The following PDPN variants were observed in gnomAD, a reference collection of about 807,000 sequenced individuals.
PDPN encodes podoplanin.
In PDPN, 12 loss-of-function variants were observed where a neutral mutation model predicts 23.2. The ratio of observed to expected loss-of-function variants is 0.52; its 90% CI spans 0.33 to 0.84. The LOEUF is 0.84. PDPN is among the 40% of genes least tolerant of loss of function. The pLI, the probability that PDPN is intolerant of heterozygous loss-of-function variation, is 0.02. For synonymous variants in PDPN, 77 were observed against 76.7 expected, an observed-to-expected ratio of 1.00 and a Z score of -0.02; for missense variants, 199 against 212.2, an observed-to-expected ratio of 0.94 and a Z score of 0.39.
chr1:13,614,293 T>C lies in PDPN; in HGVS notation c.371-7T>C, dbSNP rs1219141331. On this transcript the variant is annotated splice_region_variant and splice_polypyrimidine_tract_variant and intron_variant, in intron 4 of 5. Coordinates refer to ENST00000621990, the MANE Select transcript of PDPN (RefSeq NM_006474.5). ...GGGCTCATGCTTTTTTTCTCTCTCT[T>C]GTTCAGATGGTTTGTCAACAGTGAC... The C allele has an allele frequency of 6.7e-7, 1 of 1,496,992 alleles. No individual in the cohort carries two copies. The highest frequency in any genetic ancestry group is 1.7e-5 in the Admixed American group (1 of 59,254). The allele number at this position is 1,496,992 out of a possible 1,614,324, so 92.7% of individuals were successfully genotyped here.
At chr1:13,593,128 G>A (rs898579181) in intron 1 of PDPN, among the ~76,000 whole-genome samples, 6 of 152,142 alleles carry the variant, frequency 3.9e-5, no homozygotes, top group African/African-American at 1.4e-4. Flanking sequence ...AAAAGAGCAC[G>A]AGGTAGGTAC....
chr1:13,587,126 T>C (rs1265828958), intron 1 of PDPN, among the ~76,000 whole-genome samples: 3 of 152,234 alleles, frequency 2.0e-5, no homozygotes, highest in African/African-American at 7.2e-5. Context: ...CTCTTAAACG[T>C]AGAAACAAAA....
At chr1:13,603,976 CGT>C (rs1007257448) in intron 1 of PDPN, among the ~76,000 whole-genome samples, 2 of 152,140 alleles carry the variant, frequency 1.3e-5, no homozygotes, top group African/African-American at 4.8e-5. Context: ...TCCACTGAGC[CGT>C]GTTTGGCTGA....
At chr1:13,604,949 G>A (rs1201053130) in intron 1 of PDPN, among the ~76,000 whole-genome samples, 3 of 152,012 alleles carry the variant, frequency 2.0e-5, no homozygotes, top group Admixed American at 6.6e-5. Context: ...GGAAATATTC[G>A]GTTATTGCTA....
At chr1:13,606,583 G>A (rs2788748) in intron 1 of PDPN, among the ~76,000 whole-genome samples, 11,123 of 152,132 alleles carry the variant, frequency 0.073, 595 homozygotes, top group Non-Finnish European at 0.11. Flanking sequence ...CGGGAGGATC[G>A]CTTGAGCCCA....
chr1:13,589,226 C>CA (rs1464825702), intron 1 of PDPN, among the ~76,000 whole-genome samples: 2 of 152,138 alleles, frequency 1.3e-5, no homozygotes, highest in African/African-American at 4.8e-5. Context: ...GTTGTAAATA[C>CA]AAAAAATAGC....
At chr1:13,584,934 G>A (rs919130703) in intron 1 of PDPN, among the ~76,000 whole-genome samples, 2 of 152,112 alleles carry the variant, frequency 1.3e-5, no homozygotes, top group East Asian at 3.8e-4. Context: ...TTGCTGTGTT[G>A]GTGGTCTCCA....
At chr1:13,614,539 G>T in intron 5 of PDPN, 128 bp downstream of exon 5, 1 of 650,494 alleles carries the variant, frequency 1.5e-6, no homozygotes, top group Non-Finnish European at 2.8e-6. Context: ...AGTCTCAGCT[G>T]CTGGGCACCT....
At chr1:13,612,504 A>C (rs1474147001) in intron 3 of PDPN, among the ~76,000 whole-genome samples, 1 of 152,206 alleles carries the variant, frequency 6.6e-6, no homozygotes, top group Non-Finnish European at 1.5e-5. Context: ...CTCTTCGGGC[A>C]GTTGACTTCT....
At chr1:13,585,068 C>T (rs12745692) in intron 1 of PDPN, among the ~76,000 whole-genome samples, 34,536 of 152,122 alleles carry the variant, frequency 0.23, 4,349 homozygotes, top group African/African-American at 0.33. Flanking sequence ...AAAACAATGC[C>T]TGGCACATAG....
At position 13,597,401 on chromosome 1, in the gene PDPN, G is replaced by T. The variant is rs368464453; in HGVS notation, c.68-9772G>T. Among the ~76,000 whole-genome samples, 5 of 152,160 alleles carry T rather than the reference G, an allele frequency of 3.3e-5. 1 individual carries two copies. In the South Asian group the frequency reaches 1.0e-3, roughly 32 times the overall value. On this transcript the variant is annotated intron_variant, in intron 1 of 5. Coordinates refer to ENST00000621990, the MANE Select transcript of PDPN (RefSeq NM_006474.5). ...ACCCTGGGTTTCCTTTGAAAATCCC[G>T]AGGGTAACTCAGCTTGTATCTTGTT...
chr1:13,589,818 T>TATTG (rs148888690), intron 1 of PDPN, among the ~76,000 whole-genome samples: 4,635 of 133,464 alleles, frequency 0.035, 168 homozygotes, highest in East Asian at 0.12. Context: ...AAACCACTTG[T>TATTG]ATTGATTGAT....
At chr1:13,598,650 T>A (rs1557541866) in intron 1 of PDPN, among the ~76,000 whole-genome samples, 1 of 151,958 alleles carries the variant, frequency 6.6e-6, no homozygotes, top group Non-Finnish European at 1.5e-5. Flanking sequence ...GAACCACCGC[T>A]CCACACCTCT....
chr1:13,615,833 A>T (rs931712448), intron 5 of PDPN, 72 bp from the exon 6 acceptor site: 11 of 1,365,750 alleles, frequency 8.1e-6, no homozygotes, highest in Non-Finnish European at 9.4e-6. Flanking sequence ...GACAATAGGA[A>T]AAAGGACTCA....
chr1:13,613,778 C>A (rs1012529571), intron 4 of PDPN, 53 bp downstream of exon 4: 30 of 970,830 alleles, frequency 3.1e-5, no homozygotes, highest in East Asian at 9.8e-5. Context: ...TTAAAAATTT[C>A]TTTGAAGCTA....
chr1:13,615,537 C>T (rs1053950573), intron 5 of PDPN, among the ~76,000 whole-genome samples: 68 of 152,220 alleles, frequency 4.5e-4, no homozygotes, highest in African/African-American at 1.4e-3. Flanking sequence ...CCACCCACCT[C>T]AGCCTCCCAA....
intron 1 of PDPN, chr1:13,584,431 C>G (rs1311629385): frequency 2.2e-6 from 2 of 912,608 alleles, no homozygotes; most frequent in Admixed American, 3.0e-5. Flanking sequence ...TTGCTGGCAG[C>G]AGTGGCTGGG....
chr1:13,607,365 A>G (rs1447294836), intron 2 of PDPN, 59 bp downstream of exon 2: 10 of 1,308,102 alleles, frequency 7.6e-6, no homozygotes, highest in Non-Finnish European at 1.1e-5. Context: ...ATGCAAGGCT[A>G]TGATGTATAT....
At chr1:13,610,814 A>T (rs531416066) in intron 3 of PDPN, among the ~76,000 whole-genome samples, 2 of 151,972 alleles carry the variant, frequency 1.3e-5, no homozygotes, top group Non-Finnish European at 2.9e-5. Context: ...GACGTGAAGA[A>T]CTTTGTGTTG....
Sources: gnomAD v4.1 joint callset for allele counts (sites outside exome capture counted in the v4.1 genomes callset) on GRCh38, gnomAD v4.1.1 for gene constraint, MANE v1.5 for transcripts, NCBI Gene and HGNC (gene_info 2026-07-23, HGNC 2026-07-21) for gene names.